ICA1: variants seen among roughly 807,000 people sequenced by gnomAD.
The protein encoded by ICA1 is islet cell autoantigen 1, also known as 69 kDa islet cell autoantigen.
Under a neutral mutation model 71.0 loss-of-function variants are expected in ICA1, and 40 were observed. The observed-to-expected ratio is 0.56, with a 90% confidence interval of 0.44 to 0.73. The LOEUF is 0.73. ICA1 is among the 30% of genes least tolerant of loss of function. The pLI is 0.00. For missense variants in ICA1, 578 were observed against 576.5 expected (o/e 1.00, Z -0.03); for synonymous variants, 207 against 209.5 (o/e 0.99, Z 0.10).
At chr7:8,204,223 A>G (rs550323372) in intron 6 of ICA1, among the ~76,000 whole-genome samples, 1 of 152,270 alleles carries the variant, frequency 6.6e-6, no homozygotes, top group South Asian at 2.1e-4. Flanking sequence ...TTTTTTTCCA[A>G]TAGTAACCTA....
chr7:8,204,520 A>G (rs1790834037), intron 6 of ICA1, among the ~76,000 whole-genome samples: 1 of 152,252 alleles, frequency 6.6e-6, no homozygotes, highest in African/African-American at 2.4e-5. Context: ...CATTATGTAC[A>G]TATTTAAAGA....
intron 6 of ICA1, among the ~76,000 whole-genome samples, chr7:8,168,071 T>C (rs1806820914): frequency 1.3e-5 from 2 of 152,018 alleles, no homozygotes; most frequent in South Asian, 4.1e-4. Context: ...AGAGACCTAG[T>C]AGCACTAAAG....
chr7:8,194,278 G>C, intron 6 of ICA1, among the ~76,000 whole-genome samples: 1 of 152,112 alleles, frequency 6.6e-6, no homozygotes. Flanking sequence ...GGTGGGGTTG[G>C]AGAGACCAAA....
intron 13 of ICA1, among the ~76,000 whole-genome samples, chr7:8,125,524 G>A (rs1048046138): frequency 1.3e-5 from 2 of 152,168 alleles, no homozygotes; most frequent in African/African-American, 4.8e-5. Flanking sequence ...TACCCTGAGA[G>A]CCCCAACACT....
At chr7:8,214,322 C>G (rs904571705) in intron 6 of ICA1, among the ~76,000 whole-genome samples, 2 of 152,214 alleles carry the variant, frequency 1.3e-5, no homozygotes. Flanking sequence ...CTACAAGAAG[C>G]TGACTTCTAC....
chr7:8,122,533 C>T (rs752701925), intron 13 of ICA1, among the ~76,000 whole-genome samples: 24 of 152,258 alleles, frequency 1.6e-4, no homozygotes, highest in Non-Finnish European at 3.1e-4. Flanking sequence ...GGCGGAACTC[C>T]GTTCCATTGC....
intron 12 of ICA1, 27 bp downstream of exon 12, chr7:8,138,813 A>T: frequency 6.6e-7 from 1 of 1,520,672 alleles, no homozygotes; most frequent in Non-Finnish European, 9.1e-7. Context: ...AACAAATCAT[A>T]ATCCCAAAGA....
chr7:8,197,542 T>C (rs12702705), intron 6 of ICA1, among the ~76,000 whole-genome samples: 63,641 of 119,056 alleles, frequency 0.53, 18,469 homozygotes, highest in South Asian at 0.76. Flanking sequence ...TGGGACTTCG[T>C]CTCAGAAAAA....
At chr7:8,178,157 T>G (rs763576918) in intron 6 of ICA1, among the ~76,000 whole-genome samples, 1 of 152,210 alleles carries the variant, frequency 6.6e-6, no homozygotes, top group Non-Finnish European at 1.5e-5. Flanking sequence ...GTTCCCAGTG[T>G]TCATCCCCTT....
At chr7:8,136,381 TA>T (rs1294610611) in intron 12 of ICA1, among the ~76,000 whole-genome samples, 2 of 152,218 alleles carry the variant, frequency 1.3e-5, no homozygotes, top group African/African-American at 2.4e-5. Flanking sequence ...ATGTCGTGCA[TA>T]TTGTAATCAG....
At chr7:8,120,602 C>G (rs1786534618) in intron 13 of ICA1, among the ~76,000 whole-genome samples, 1 of 152,192 alleles carries the variant, frequency 6.6e-6, no homozygotes, top group Non-Finnish European at 1.5e-5. Flanking sequence ...CAGAGTAGTT[C>G]TGTCAGGAGA....
chr7:8,237,067 G>A (rs534183731), intron 1 of ICA1, among the ~76,000 whole-genome samples: 3 of 152,192 alleles, frequency 2.0e-5, no homozygotes, highest in Non-Finnish European at 4.4e-5. Context: ...CACGCTTCAG[G>A]TATGCAGACA....
intron 6 of ICA1, among the ~76,000 whole-genome samples, chr7:8,207,704 A>G (rs979772919): frequency 1.3e-5 from 2 of 152,194 alleles, no homozygotes; most frequent in Non-Finnish European, 2.9e-5. Flanking sequence ...CAGGACATAA[A>G]CCGGTAACAT....
rs1799373313 is a variant in ICA1, at chr7:8,228,689, A to C, written c.184-16T>G. 1.3e-6 allele frequency: 2 copies of C among 1,554,390 alleles called. No individual in the cohort carries two copies. The highest frequency in any genetic ancestry group is 1.8e-6 in the Non-Finnish European group (2 of 1,134,922). ...AATGAAACAGCTGTAATAAAAATAC[A>C]AACAAAATGCAAAATAAAACAGACA... On this transcript the variant is annotated splice_polypyrimidine_tract_variant and intron_variant, in intron 3 of 13. Coordinates refer to ENST00000402384, the MANE Select transcript of ICA1 (RefSeq NM_001136020.3).
chr7:8,207,003 C>A lies in ICA1; in HGVS notation c.579+11302G>T, dbSNP rs556601317. 1.2e-4 allele frequency among the ~76,000 whole-genome samples: 19 copies of A among 152,240 alleles called. No individual in the cohort carries two copies. In the South Asian group the frequency reaches 3.9e-3, roughly 32 times the overall value. ...GAGTCCCACTTCTAGTGGTCCAGGA[C>A]AGAAATTTATTCAAAAGAACAAAGC... On this transcript the variant is annotated intron_variant, in intron 6 of 13. Transcript: ENST00000402384.
At chr7:8,161,083 C>A (rs752939019) in intron 6 of ICA1, among the ~76,000 whole-genome samples, 1 of 152,056 alleles carries the variant, frequency 6.6e-6, no homozygotes, top group African/African-American at 2.4e-5. Flanking sequence ...ACGTGGGAGT[C>A]GGAGCTTTCA....
At chr7:8,124,144 G>A (rs1377252561) in intron 13 of ICA1, among the ~76,000 whole-genome samples, 4 of 132,470 alleles carry the variant, frequency 3.0e-5, no homozygotes, top group Admixed American at 8.3e-5. Context: ...TTTTTGAGAC[G>A]GAGTCTCGCT....
intron 6 of ICA1, among the ~76,000 whole-genome samples, chr7:8,208,237 GAA>G (rs2128362407): frequency 6.6e-6 from 1 of 152,204 alleles, no homozygotes; most frequent in Non-Finnish European, 1.5e-5. Context: ...TGCAGTCACC[GAA>G]GTCTGTTTGT....
chr7:8,195,244 A>G (rs537866568), intron 6 of ICA1, among the ~76,000 whole-genome samples: 2 of 152,254 alleles, frequency 1.3e-5, no homozygotes, highest in Admixed American at 6.5e-5. Context: ...GTGAGAATAC[A>G]AAATGGGGCT....
Sources: gnomAD v4.1 joint callset for allele counts (sites outside exome capture counted in the v4.1 genomes callset) on GRCh38, gnomAD v4.1.1 for gene constraint, MANE v1.5 for transcripts, NCBI Gene and HGNC (gene_info 2026-07-23, HGNC 2026-07-21) for gene names.